PRRC2B: variants seen among roughly 807,000 people sequenced by gnomAD.
PRRC2B encodes proline rich coiled-coil 2B, also known as protein PRRC2B.
In PRRC2B, 68 loss-of-function variants were observed where a neutral mutation model predicts 242.3. The ratio of observed to expected loss-of-function variants is 0.28; its 90% CI spans 0.23 to 0.34. The LOEUF is 0.34. Among genes scored for constraint, PRRC2B ranks in the 10% least tolerant of loss-of-function variants. The pLI is 1.00. For missense variants in PRRC2B, 2,835 were observed against 2,954.8 expected, an observed-to-expected ratio of 0.96 and a Z score of 0.94; for synonymous variants, 1,228 against 1,173.6, an observed-to-expected ratio of 1.05 and a Z score of -0.95.
intron 12 of PRRC2B, among the ~76,000 whole-genome samples, chr9:131,466,380 G>C (rs544989592): frequency 6.6e-6 from 1 of 152,290 alleles, no homozygotes; most frequent in South Asian, 2.1e-4. Context: ...AGAAACCCTT[G>C]GTGAACACAT....
At chr9:131,420,446 T>TC (rs1564278446) in intron 1 of PRRC2B, among the ~76,000 whole-genome samples, 1 of 119,448 alleles carries the variant, frequency 8.4e-6, no homozygotes, top group Non-Finnish European at 1.8e-5. Flanking sequence ...TTTCTTTTTC[T>TC]TTTTCTTTTT....
chr9:131,446,407 C>G lies in PRRC2B; in HGVS notation c.620C>G (p.Thr207Arg). 6.2e-7 allele frequency: 1 copy of G among 1,613,730 alleles called. No individual in the cohort carries two copies. The highest frequency in any genetic ancestry group is 8.5e-7 in the Non-Finnish European group (1 of 1,179,842). Residue 207 changes from threonine to arginine, a missense_variant, in exon 7 of 32, where the codon ACA (threonine) becomes AGA (arginine). Around this residue, in one of 7 missense-constraint regions of PRRC2B, gnomAD observed 626 missense variants for 685.5 expected, o/e 0.91. Transcript: ENST00000683519. The surrounding 1 kb of genome is among the most constrained non-coding windows in gnomAD (Gnocchi z 4.1). ...GCCCCCTTTCAATTTCCAGATGTGA[C>G]AAGCTGGAGGGAGGGCGGTGGGCGA... ...PGPSLRPQNV[T>R]SWREGGGRHI...
At chr9:131,452,358 A>G (rs1179218779) in intron 9 of PRRC2B, among the ~76,000 whole-genome samples, 1 of 152,138 alleles carries the variant, frequency 6.6e-6, no homozygotes, top group African/African-American at 2.4e-5. Context: ...TTCAGTTTTC[A>G]TTGTGGAAAT....
chr9:131,488,802 T>C (rs534075322), intron 28 of PRRC2B, among the ~76,000 whole-genome samples: 1 of 152,354 alleles, frequency 6.6e-6, no homozygotes, highest in East Asian at 1.9e-4. Flanking sequence ...CACTCTGCTA[T>C]GGTGCCATCA....
At position 131,476,205 on chromosome 9, in the gene PRRC2B, C is replaced by T; in HGVS notation, c.4076C>T (p.Pro1359Leu). 6.2e-7 allele frequency: 1 copy of T among 1,613,528 alleles called. No homozygotes were observed. Among genetic ancestry groups the T allele is most frequent in the Non-Finnish European group, 8.5e-7 (1 of 1,179,836 alleles). The change falls in exon 16 of 32, where the codon CCT becomes CTT. Residue 1359 changes from proline to leucine, a missense_variant. Pro to Leu is a moderately conservative substitution (Grantham distance 98). This residue lies in a region of PRRC2B where 1,536 missense variants were observed against 1,483.1 expected (regional missense o/e 1.04). Coordinates refer to ENST00000683519, the MANE Select transcript of PRRC2B (RefSeq NM_013318.4). Reference sequence around the variant, plus strand: ...AGTGGCACTGTGGGCCGCAGGTCCCCTGAGCTCTCCTACCAGAACTCCTCC... The same window carrying T: ...AGTGGCACTGTGGGCCGCAGGTCCCTTGAGCTCTCCTACCAGAACTCCTCC... The part of the protein sequence containing the change: ...DKSGTVGRRS[P>L]ELSYQNSSDH...
intron 11 of PRRC2B, among the ~76,000 whole-genome samples, chr9:131,464,154 CTGG>C (rs1268549802): frequency 1.3e-5 from 2 of 152,142 alleles, no homozygotes; most frequent in African/African-American, 4.8e-5. Flanking sequence ...GTTGGCCAGG[CTGG>C]TCTCGAACTC....
Position 131,478,508 on chromosome 9 carries a change from G to T in PRRC2B, c.4647G>T (p.Gly1549=), listed in dbSNP as rs780014943. ...TTGAAAATTGCGGGTCCAGCCCCGG[G>T]GAGGAGAGTGAGGTGGGTTCTATGG... is the stretch of plus-strand genomic sequence containing the variant. ...AIIENCGSSP[G]EESEVGSMVG... is the part of the protein sequence containing the mutation. Residue 1549 remains glycine (G), a synonymous_variant, in exon 18 of 32, where the codon GGG becomes GGT. Transcript: ENST00000683519. The T allele has an allele frequency of 1.2e-6, 2 of 1,613,650 alleles. No individual in the cohort carries two copies. The highest frequency in any genetic ancestry group is 8.5e-7 in the Non-Finnish European group (1 of 1,179,754).
intron 19 of PRRC2B, among the ~76,000 whole-genome samples, chr9:131,480,242 T>G (rs2131457803): frequency 6.6e-6 from 1 of 152,342 alleles, no homozygotes; most frequent in South Asian, 2.1e-4. Flanking sequence ...GGGCCTTGAT[T>G]CTTTCACTGT....
chr9:131,439,139 G>A (rs770523606), intron 5 of PRRC2B, 78 bp downstream of exon 5: 342 of 1,255,734 alleles, frequency 2.7e-4, no homozygotes, highest in Non-Finnish European at 3.7e-4. Context: ...TGTCTGGTTG[G>A]GTCTAGGCAC....
chr9:131,396,245 T>C (rs949974786), intron 1 of PRRC2B, among the ~76,000 whole-genome samples: 1 of 152,142 alleles, frequency 6.6e-6, no homozygotes, highest in South Asian at 2.1e-4. Flanking sequence ...CCTTCCTTCC[T>C]CCCTTGCCCT....
At position 131,420,493 on chromosome 9, in the gene PRRC2B, C is replaced by CTTTCTTTCTTTCTTTCTTTCTTTCTTTTT; in HGVS notation, c.-51-9598_-51-9597insCTTTCTTTCTTTCTTTCTTTCTTTTTTTT. On this transcript the variant is annotated intron_variant, in intron 1 of 31. Coordinates refer to ENST00000683519, the MANE Select transcript of PRRC2B (RefSeq NM_013318.4). ...TCTTTCTTTCTTTCTTTCTTTCTTT[C>CTTTCTTTCTTTCTTTCTTTCTTTCTTTTT]TTTTTTTTTTTTTTTTTGAGATGGA... Among the ~76,000 whole-genome samples the CTTTCTTTCTTTCTTTCTTTCTTTCTTTTT allele has an allele frequency of 5.6e-4, 17 of 30,174 alleles. No homozygotes were observed. The East Asian group carries it at 0.011, about 20-fold the overall frequency. 19.8% of individuals were successfully genotyped at this position (30,174 alleles called of 152,430 possible). A position where few individuals can be genotyped will look rare whatever the true frequency, so the allele number is the denominator to read the frequency against.
intron 1 of PRRC2B, among the ~76,000 whole-genome samples, chr9:131,386,744 T>C (rs1836831112): frequency 6.7e-6 from 1 of 149,980 alleles, no homozygotes; most frequent in East Asian, 2.0e-4. Context: ...CCAGGCACCA[T>C]GCTTGATGCT....
rs1564278580 is a variant in PRRC2B, at chr9:131,420,481, C to CTTTCTTTCTTTTCTTTCTTTCT, written c.-51-9602_-51-9601insTCTTTCTTTCTTTTCTTTCTTT. On this transcript the variant is annotated intron_variant, in intron 1 of 31. Transcript: ENST00000683519. ...TCTTTCTTTCTTTCTTTCTTTCTTT[C>CTTTCTTTCTTTTCTTTCTTTCT]TTTCTTTCTTTCTTTTTTTTTTTTT... is the stretch of plus-strand genomic sequence containing the variant. Among the ~76,000 whole-genome samples, 34 of 13,438 alleles carry CTTTCTTTCTTTTCTTTCTTTCT rather than the reference C, an allele frequency of 2.5e-3. 7 individuals are homozygous for CTTTCTTTCTTTTCTTTCTTTCT. Among genetic ancestry groups the CTTTCTTTCTTTTCTTTCTTTCT allele is most frequent in the African/African-American group, 6.4e-3 (34 of 5,320 alleles). The allele number at this position is 13,438 out of a possible 152,430, so 8.8% of individuals were successfully genotyped here.
At position 131,482,547 on chromosome 9, in the gene PRRC2B, G is replaced by C; in HGVS notation, c.5160G>C (p.Lys1720Asn). The C allele has an allele frequency of 6.2e-7, 1 of 1,601,784 alleles. No homozygotes were observed. The highest frequency in any genetic ancestry group is 1.1e-5 in the South Asian group (1 of 90,336). The change falls in exon 21 of 32, where the codon AAG (lysine) becomes AAC (asparagine). Residue 1720 changes from lysine to asparagine, a missense_variant. Physicochemically the swap from Lys to Asn is moderately conservative, Grantham distance 94 (BLOSUM62 0). This residue lies in a region of PRRC2B where 51 missense variants were observed against 45.1 expected (regional missense o/e 1.13). Coordinates refer to ENST00000683519, the MANE Select transcript of PRRC2B (RefSeq NM_013318.4). The surrounding 1 kb of genome is among the most constrained non-coding windows in gnomAD (Gnocchi z 5.2). ...KADSHKEQAPKPSEQKDSEQG... is the reference protein window; with the variant it reads ...KADSHKEQAPNPSEQKDSEQG... ...ACAGCCACAAGGAGCAGGCTCCAAA[G>C]CCATCTGAGCAGAAGGTAACCTGGA...
chr9:131,435,476 G>A (rs1458816131), intron 3 of PRRC2B, among the ~76,000 whole-genome samples: 2 of 151,846 alleles, frequency 1.3e-5, no homozygotes, highest in African/African-American at 2.4e-5. Context: ...TTAGCCAGGC[G>A]TGGTGCTGCA....
In PRRC2B at chr9:131,475,821, G is replaced by A. The variant is rs200909783; in HGVS notation, c.3692G>A (p.Ser1231Asn). 30 of 1,612,612 alleles carry A rather than the reference G, an allele frequency of 1.9e-5. No homozygotes were observed. The highest frequency in any genetic ancestry group is 2.5e-5 in the Non-Finnish European group (30 of 1,178,888). The change falls in exon 16 of 32, where the codon AGT becomes AAT. Residue 1231 changes from serine to asparagine, a missense_variant. Coordinates refer to ENST00000683519, the MANE Select transcript of PRRC2B (RefSeq NM_013318.4). ...SKESPHWQSK[S>N]PGSSWQEYGP... Reference sequence around the variant, plus strand: ...GAGTCACCCCACTGGCAGAGCAAAAGTCCAGGCAGCTCTTGGCAGGAATAT... The same window carrying A: ...GAGTCACCCCACTGGCAGAGCAAAAATCCAGGCAGCTCTTGGCAGGAATAT...
intron 1 of PRRC2B, among the ~76,000 whole-genome samples, chr9:131,384,617 A>G (rs923521361): frequency 1.3e-5 from 2 of 149,388 alleles, no homozygotes; most frequent in African/African-American, 5.0e-5. Flanking sequence ...ATGGGGTTTC[A>G]CCATCTTGGC....
At chr9:131,451,974 A>C (rs1230854943) in intron 9 of PRRC2B, among the ~76,000 whole-genome samples, 3 of 151,762 alleles carry the variant, frequency 2.0e-5, no homozygotes, top group Admixed American at 2.0e-4. Context: ...GAGGGATATT[A>C]GTTTGTAATT....
intron 28 of PRRC2B, among the ~76,000 whole-genome samples, chr9:131,489,965 G>A (rs1296667025): frequency 6.6e-5 from 10 of 151,950 alleles, no homozygotes; most frequent in Non-Finnish European, 1.5e-4. Flanking sequence ...TTCCCAGTCT[G>A]TAATGGTCAG....
Sources: gnomAD v4.1 joint callset for allele counts (sites outside exome capture counted in the v4.1 genomes callset) on GRCh38, gnomAD v4.1.1 for gene constraint, gnomAD v4.1.1 regional missense constraint, Gnocchi (gnomAD v3.1) non-coding constraint, MANE v1.5 for transcripts, NCBI Gene and HGNC (gene_info 2026-07-23, HGNC 2026-07-21) for gene names.